The following RAB40C variants were observed in gnomAD, a reference collection of about 807,000 sequenced individuals.
RAB40C encodes ras-related protein Rab-40C.
In RAB40C, 8 loss-of-function variants were observed where a neutral mutation model predicts 28.1. That is an observed-to-expected ratio of 0.28 (90% confidence interval 0.17 to 0.51). The LOEUF (loss-of-function observed/expected upper bound fraction) is 0.51. Among genes scored for constraint, RAB40C ranks in the 20% least tolerant of loss-of-function variants. RAB40C has a pLI of 0.97. For missense variants in RAB40C, 288 were observed against 405.9 expected (o/e 0.71, Z 2.50); for synonymous variants, 201 against 171.7 (o/e 1.17, Z -1.34).
intron 1 of RAB40C, among the ~76,000 whole-genome samples, chr16:602,322 A>AC (rs2036270261): frequency 6.7e-6 from 1 of 149,296 alleles, no homozygotes; most frequent in Non-Finnish European, 1.5e-5. Context: ...TGCAGTGATC[A>AC]TAGTTCACTG....
chr16:627,273 C>A, intron 5 of RAB40C, 69 bp from the exon 6 acceptor site: 2 of 1,483,242 alleles, frequency 1.3e-6, no homozygotes, highest in Non-Finnish European at 1.8e-6. Flanking sequence ...CTCTTGGGCA[C>A]CTCAGGTCTC....
chr16:621,889 C>T (rs897423282), intron 3 of RAB40C, among the ~76,000 whole-genome samples: 3 of 152,136 alleles, frequency 2.0e-5, no homozygotes, highest in Admixed American at 6.5e-5. Context: ...GGGAGGCACA[C>T]GTGCTGCTGG....
chr16:626,394 A>C (rs1172146766), intron 5 of RAB40C, among the ~76,000 whole-genome samples: 1 of 151,946 alleles, frequency 6.6e-6, no homozygotes, highest in South Asian at 2.1e-4. Flanking sequence ...GGTCCCTGGC[A>C]TTGCTGGTGT....
intron 1 of RAB40C, among the ~76,000 whole-genome samples, chr16:595,710 C>A (rs1043339181): frequency 1.1e-4 from 16 of 150,068 alleles, no homozygotes; most frequent in Admixed American, 1.0e-3. Context: ...TCAAGTGATT[C>A]TACTGCCTCA....
rs115032082 is a variant in RAB40C, at chr16:591,392, C to T, written c.142+959C>T. Among the ~76,000 whole-genome samples the T allele has an allele frequency of 1.7e-3, 262 of 152,136 alleles. 1 individual carries two copies. Among genetic ancestry groups the T allele is most frequent in the African/African-American group, 6.0e-3 (248 of 41,496 alleles). On this transcript the variant is annotated intron_variant, in intron 1 of 5. Transcript: ENST00000248139. ...TGTCATGGGCCCGGGGAAGGTGTCA[C>T]GGACCCAGGTCTGGTGGCAGGTGCT... is the stretch of plus-strand genomic sequence containing the variant.
rs754308603 is a variant in RAB40C at position 590,265 on chromosome 16, C to CCGGCGCGGGGCGCAGG, written c.-18_-3dup. On this transcript the variant is annotated 5_prime_UTR_variant, in exon 1 of 6. Transcript: ENST00000248139. ...CACCCGGCGGTGCTTCGGCAGGCGGCCGGCGCGGGGCGCAGGCGGCGCGGC... is the reference window on the plus strand; with the variant it reads ...CACCCGGCGGTGCTTCGGCAGGCGGCCGGCGCGGGGCGCAGGCGGCGCGGGGCGCAGGCGGCGCGGC... 176 of 1,442,408 alleles carry CCGGCGCGGGGCGCAGG rather than the reference C, an allele frequency of 1.2e-4. No individual in the cohort carries two copies. In the African/African-American group the frequency reaches 1.6e-3, roughly 13 times the overall value. The allele number at this position is 1,442,408 out of a possible 1,614,324, so 89.4% of individuals were successfully genotyped here.
chr16:595,049 C>T (rs1211921780), intron 1 of RAB40C, among the ~76,000 whole-genome samples: 1 of 152,110 alleles, frequency 6.6e-6, no homozygotes, highest in African/African-American at 2.4e-5. Context: ...AAACCCCTGA[C>T]CTCAAGTGAT....
rs533919995 is a variant in RAB40C at position 620,288 on chromosome 16, G to A, written c.264+2028G>A. 4.0e-3 allele frequency among the ~76,000 whole-genome samples: 612 copies of A among 152,046 alleles called. 5 individuals carry two copies. The highest frequency in any genetic ancestry group is 6.8e-3 in the Non-Finnish European group (463 of 68,014). ...GGCGCTTATAATCCCAGCTACTTAG[G>A]AGGCTGAGGCAGGAGAATCGCTTGA... is the stretch of plus-strand genomic sequence containing the variant. On this transcript the variant is annotated intron_variant, in intron 3 of 5. Transcript: ENST00000248139.
chr16:626,356 G>A (rs377548948), intron 5 of RAB40C, among the ~76,000 whole-genome samples: 11 of 152,062 alleles, frequency 7.2e-5, no homozygotes, highest in Admixed American at 1.3e-4. Context: ...GGGTGCCGCC[G>A]TGGCCGCTGC....
At chr16:625,804 C>T in intron 4 of RAB40C, 95 bp from the exon 5 acceptor site, 1 of 1,251,014 alleles carries the variant, frequency 8.0e-7, no homozygotes, top group African/African-American at 1.5e-5. Flanking sequence ...CGGCCCTCAC[C>T]CCATCATAGT....
intron 1 of RAB40C, chr16:616,763 G>C (rs2151075429): frequency 6.1e-6 from 1 of 164,582 alleles, no homozygotes; most frequent in African/African-American, 2.4e-5. Flanking sequence ...TGCATACGAA[G>C]TAGGTCAGGG....
chr16:616,973 C>T (rs572238173), intron 1 of RAB40C: 205 of 548,382 alleles, frequency 3.7e-4, no homozygotes, highest in African/African-American at 2.1e-3. Flanking sequence ...GTATGGACCA[C>T]GCTCCTGCCC....
chr16:617,303 G>A (rs768773289), intron 2 of RAB40C, 35 bp downstream of exon 2: 2 of 1,611,928 alleles, frequency 1.2e-6, no homozygotes, highest in South Asian at 2.2e-5. Flanking sequence ...GTTCCTGGGT[G>A]AGGACACAAA....
intron 1 of RAB40C, among the ~76,000 whole-genome samples, chr16:591,111 C>G (rs928085988): frequency 6.8e-6 from 1 of 147,664 alleles, no homozygotes; most frequent in African/African-American, 2.5e-5. Flanking sequence ...CTGGGATCAT[C>G]TGGGGTCCGA....
At chr16:620,024 T>C (rs1251460976) in intron 3 of RAB40C, among the ~76,000 whole-genome samples, 2 of 152,178 alleles carry the variant, frequency 1.3e-5, no homozygotes, top group Non-Finnish European at 2.9e-5. Context: ...TGGAGCAACA[T>C]GGCCGTGATT....
chr16:599,652 TC>T (rs57083715), intron 1 of RAB40C, among the ~76,000 whole-genome samples: 2 of 147,934 alleles, frequency 1.4e-5, no homozygotes, highest in African/African-American at 2.5e-5. Flanking sequence ...CAGCGTGGAT[TC>T]AGCAAGGTTT....
At chr16:603,096 T>C (rs2036289525) in intron 1 of RAB40C, among the ~76,000 whole-genome samples, 1 of 152,132 alleles carries the variant, frequency 6.6e-6, no homozygotes, top group Non-Finnish European at 1.5e-5. Flanking sequence ...AGACCTGTGT[T>C]TTTTGTTTTC....
At chr16:593,479 G>T (rs2036044520) in intron 1 of RAB40C, among the ~76,000 whole-genome samples, 1 of 152,246 alleles carries the variant, frequency 6.6e-6, no homozygotes, top group East Asian at 1.9e-4. Context: ...CTGGGCAGTG[G>T]GTGCCCTTGG....
rs34836597 is a variant in RAB40C at position 599,631 on chromosome 16, G to A, written c.142+9198G>A. On this transcript the variant is annotated intron_variant, in intron 1 of 5. Coordinates refer to ENST00000248139, the MANE Select transcript of RAB40C (RefSeq NM_021168.5). ...GGATTCAGCAAGGTTTTGTTACCTC[G>A]TGGCATTAATCAGCGTGGATTCAGC... 2.9e-3 allele frequency among the ~76,000 whole-genome samples: 426 copies of A among 146,872 alleles called. 25 individuals carry two copies. Among genetic ancestry groups the A allele is most frequent in the Middle Eastern group, 3.8e-3 (1 of 262 alleles).
Sources: allele counts gnomAD v4.1 joint callset (sites outside exome capture counted in the v4.1 genomes callset), GRCh38; gene constraint gnomAD v4.1.1; transcripts MANE v1.5; gene names NCBI Gene and HGNC (gene_info 2026-07-23, HGNC 2026-07-21).